The following PDCD6IP variants were observed in gnomAD, a reference collection of about 807,000 sequenced individuals.
PDCD6IP encodes the protein programmed cell death 6 interacting protein.
In PDCD6IP, 43 loss-of-function variants were observed where a neutral mutation model predicts 103.7. The ratio of observed to expected loss-of-function variants is 0.41; its 90% CI spans 0.32 to 0.53. The LOEUF (loss-of-function observed/expected upper bound fraction) is 0.53, where lower values mean the gene tolerates loss of function less well. Ranked by LOEUF, PDCD6IP falls within the 20% of genes least tolerant of loss-of-function variation. The probability of loss-of-function intolerance (pLI) is 0.16; values close to 1 mark genes in which losing one functional copy is unlikely to be tolerated. For synonymous variants in PDCD6IP, 354 were observed against 378.7 expected, an observed-to-expected ratio of 0.93 and a Z score of 0.76; for missense variants, 871 against 1,036.7, an observed-to-expected ratio of 0.84 and a Z score of 2.20.
At chr3:33,854,095 T>C in intron 14 of PDCD6IP, 82 bp downstream of exon 14, 1 of 1,419,800 alleles carries the variant, frequency 7.0e-7, no homozygotes, top group Non-Finnish European at 9.3e-7. Context: ...GTATTTCCAG[T>C]TGAACCAAAT....
At chr3:33,799,107 C>T (rs1241254783) in intron 1 of PDCD6IP, 170 bp downstream of exon 1, 2 of 665,284 alleles carry the variant, frequency 3.0e-6, no homozygotes, top group African/African-American at 1.8e-5. Flanking sequence ...AGGACCCGCC[C>T]TGCAGGCCCG....
chr3:33,806,283 A>G (rs6796633), intron 1 of PDCD6IP, among the ~76,000 whole-genome samples: 44,096 of 152,000 alleles, frequency 0.29, 6,625 homozygotes, highest in East Asian at 0.41. Flanking sequence ...GTGTCCAGGA[A>G]CTATTTTAAG....
At chr3:33,851,751 C>T (rs1697719339) in intron 12 of PDCD6IP, among the ~76,000 whole-genome samples, 1 of 152,118 alleles carries the variant, frequency 6.6e-6, no homozygotes, top group South Asian at 2.1e-4. Context: ...TGAACCTCTA[C>T]ATCTGGCCTA....
chr3:33,822,071 A>G lies in PDCD6IP; in HGVS notation c.451A>G (p.Lys151Glu), dbSNP rs1697004982. ...DNDEGLKIAA[K>E]HYQFASGAFL... ...TGATGAAGGATTGAAAATCGCTGCT[A>G]AACATTACCAGGTATGCTGAAAAGT... is the stretch of plus-strand genomic sequence containing the variant. Residue 151 changes from lysine (K) to glutamate (E), a missense_variant, in exon 4 of 18, where the codon AAA becomes GAA. This residue lies in a region of PDCD6IP where 47 missense variants were observed against 83.7 expected (regional missense o/e 0.56). Transcript: ENST00000307296. 6.2e-7 allele frequency: 1 copy of G among 1,614,010 alleles called. No individual in the cohort carries two copies. The highest frequency in any genetic ancestry group is 8.5e-7 in the Non-Finnish European group (1 of 1,179,948).
chr3:33,832,179 T>A (rs952258048), intron 7 of PDCD6IP, among the ~76,000 whole-genome samples: 3 of 152,170 alleles, frequency 2.0e-5, no homozygotes, highest in Non-Finnish European at 4.4e-5. Context: ...GCCAGTATGG[T>A]CATATTCTGG....
intron 13 of PDCD6IP, among the ~76,000 whole-genome samples, chr3:33,852,997 C>T (rs1224206291): frequency 9.4e-5 from 14 of 149,184 alleles, no homozygotes; most frequent in Admixed American, 3.4e-4. Context: ...GATCTTGGCT[C>T]ACTGCAAGCT....
Position 33,812,058 on chromosome 3 carries a change from G to A in PDCD6IP, c.210-14G>A, listed in dbSNP as rs1696730974. Reference sequence around the variant, plus strand: ...TTTAGCTCTGGTAATTATTAATTCTGCTCTATTTTTTAGATATTATGATCA... The same window carrying A: ...TTTAGCTCTGGTAATTATTAATTCTACTCTATTTTTTAGATATTATGATCA... On this transcript the variant is annotated splice_polypyrimidine_tract_variant and intron_variant, in intron 1 of 17. Coordinates refer to ENST00000307296, the MANE Select transcript of PDCD6IP (RefSeq NM_013374.6). 6.3e-7 allele frequency: 1 copy of A among 1,583,346 alleles called. No homozygotes were observed. Among genetic ancestry groups the A allele is most frequent in the South Asian group, 1.2e-5 (1 of 85,262 alleles).
intron 7 of PDCD6IP, among the ~76,000 whole-genome samples, chr3:33,834,587 A>G (rs372212473): frequency 5.9e-5 from 9 of 152,166 alleles, no homozygotes; most frequent in South Asian, 2.1e-4. Context: ...TATAATTTCT[A>G]TTTTACGAAG....
chr3:33,815,370 T>C (rs1465232285), intron 3 of PDCD6IP, among the ~76,000 whole-genome samples: 1 of 152,150 alleles, frequency 6.6e-6, no homozygotes, highest in Non-Finnish European at 1.5e-5. Context: ...CCAGGTACTC[T>C]GGAAGGGACT....
intron 13 of PDCD6IP, among the ~76,000 whole-genome samples, chr3:33,853,063 A>G (rs1039874770): frequency 1.3e-5 from 2 of 151,868 alleles, no homozygotes; most frequent in African/African-American, 4.8e-5. Flanking sequence ...AGCTGGGACT[A>G]TAGGCGCCCG....
chr3:33,805,215 T>C lies in PDCD6IP; in HGVS notation c.209+6278T>C, dbSNP rs372278476. Among the ~76,000 whole-genome samples, 259 of 151,712 alleles carry C rather than the reference T, an allele frequency of 1.7e-3. 1 individual carries two copies. Among genetic ancestry groups the C allele is most frequent in the African/African-American group, 6.2e-3 (255 of 41,358 alleles). On this transcript the variant is annotated intron_variant, in intron 1 of 17. Transcript: ENST00000307296. Reference sequence around the variant, plus strand: ...ACTAAAAATACAAAAAGTTAGCCGGTCATGGTGGCGGGTGCCTGTAATCGC... The same window carrying C: ...ACTAAAAATACAAAAAGTTAGCCGGCCATGGTGGCGGGTGCCTGTAATCGC...
At chr3:33,825,559 A>G (rs1233922695) in intron 5 of PDCD6IP, among the ~76,000 whole-genome samples, 1 of 152,200 alleles carries the variant, frequency 6.6e-6, no homozygotes, top group Non-Finnish European at 1.5e-5. Flanking sequence ...GATCTTTAGT[A>G]ATTGTCTTTA....
intron 3 of PDCD6IP, among the ~76,000 whole-genome samples, chr3:33,814,063 C>T (rs547845607): frequency 1.1e-3 from 163 of 152,088 alleles, no homozygotes; most frequent in African/African-American, 3.9e-3. Flanking sequence ...ATTTGATCTA[C>T]CAGCTCCAGC....
chr3:33,837,839 C>T (rs1242664810), intron 8 of PDCD6IP, among the ~76,000 whole-genome samples: 3 of 152,184 alleles, frequency 2.0e-5, no homozygotes, highest in Admixed American at 6.5e-5. Flanking sequence ...CCACCTGCCT[C>T]GGCCTCCCAA....
chr3:33,806,471 A>G (rs995581383), intron 1 of PDCD6IP, among the ~76,000 whole-genome samples: 1 of 152,262 alleles, frequency 6.6e-6, no homozygotes, highest in South Asian at 2.1e-4. Flanking sequence ...TATATTTGGG[A>G]TTTTATAGTT....
rs1299372928 is a variant in PDCD6IP at position 33,802,298 on chromosome 3, CCTT to C, written c.209+3364_209+3366del. Among the ~76,000 whole-genome samples, 173 of 152,120 alleles carry C rather than the reference CCTT, an allele frequency of 1.1e-3. 3 individuals are homozygous for C. The highest frequency in any genetic ancestry group is 2.2e-4 in the Non-Finnish European group (15 of 67,992). ...ATATGTTACCGGCCATTTTGTGTGT[CCTT>C]CTGATAGGATGCTAGGAAAAGGAAT... On this transcript the variant is annotated intron_variant, in intron 1 of 17. Coordinates refer to ENST00000307296, the MANE Select transcript of PDCD6IP (RefSeq NM_013374.6).
At chr3:33,810,951 T>A (rs1696703722) in intron 1 of PDCD6IP, 1 of 183,684 alleles carries the variant, frequency 5.4e-6, no homozygotes, top group East Asian at 1.9e-4. Flanking sequence ...ACAGTGGCGC[T>A]GTCTTGGCCC....
intron 1 of PDCD6IP, among the ~76,000 whole-genome samples, chr3:33,805,188 C>G (rs1303741188): frequency 6.6e-6 from 1 of 151,836 alleles, no homozygotes; most frequent in East Asian, 1.9e-4. Flanking sequence ...AACACTGTCT[C>G]TACTAAAAAT....
chr3:33,862,361 G>A (rs993418929), intron 15 of PDCD6IP, among the ~76,000 whole-genome samples: 1 of 151,778 alleles, frequency 6.6e-6, no homozygotes, highest in Non-Finnish European at 1.5e-5. Flanking sequence ...TGTTAAATCA[G>A]GGCAAAAGGT....
Sources: allele counts gnomAD v4.1 joint callset (sites outside exome capture counted in the v4.1 genomes callset), GRCh38; gene constraint gnomAD v4.1.1; regional missense constraint gnomAD v4.1.1; transcripts MANE v1.5; gene names NCBI Gene and HGNC (gene_info 2026-07-23, HGNC 2026-07-21).